SGCZ: variants seen among roughly 807,000 people sequenced by gnomAD.
SGCZ encodes the protein zeta-sarcoglycan.
In SGCZ, 40 loss-of-function variants were observed where a neutral mutation model predicts 41.3. The observed-to-expected ratio is 0.97, with a 90% CI of 0.75 to 1.26. The LOEUF (loss-of-function observed/expected upper bound fraction) is 1.26, where lower values mean the gene tolerates loss of function less well. Ranked by LOEUF, SGCZ falls within the 50% of genes most tolerant of loss-of-function variation. The pLI, the probability that SGCZ is intolerant of heterozygous loss-of-function variation, is 0.00. For missense variants in SGCZ, 552 were observed against 369.8 expected (o/e 1.49, Z -4.04); for synonymous variants, 206 against 137.5 (o/e 1.50, Z -3.49).
At chr8:14,574,755 G>T (rs1315446858) in intron 1 of SGCZ, among the ~76,000 whole-genome samples, 3 of 152,070 alleles carry the variant, frequency 2.0e-5, no homozygotes, top group Non-Finnish European at 4.4e-5. Flanking sequence ...TTTACTAATA[G>T]AAATTTCAGC....
intron 2 of SGCZ, among the ~76,000 whole-genome samples, chr8:14,478,550 T>C (rs1801428563): frequency 6.6e-6 from 1 of 152,014 alleles, no homozygotes; most frequent in African/African-American, 2.4e-5. Flanking sequence ...GATGAGTAGG[T>C]GGAGCCCAGA....
At chr8:14,576,120 T>C (rs1169738499) in intron 1 of SGCZ, among the ~76,000 whole-genome samples, 8 of 152,258 alleles carry the variant, frequency 5.3e-5, no homozygotes, top group Middle Eastern at 3.4e-3. Flanking sequence ...CGGACAGTAA[T>C]TGATCTCTGT....
intron 2 of SGCZ, among the ~76,000 whole-genome samples, chr8:14,496,392 T>G (rs766691356): frequency 2.3e-4 from 35 of 152,260 alleles, no homozygotes; most frequent in Non-Finnish European, 3.5e-4. Context: ...AGATGCTAAA[T>G]TCTGCTGGAA....
chr8:14,493,798 G>A (rs935547102), intron 2 of SGCZ, among the ~76,000 whole-genome samples: 2 of 152,096 alleles, frequency 1.3e-5, no homozygotes, highest in South Asian at 2.1e-4. Flanking sequence ...TCATAACAGT[G>A]TGTAACTTTC....
intron 1 of SGCZ, among the ~76,000 whole-genome samples, chr8:15,019,975 G>A (rs993680283): frequency 2.0e-5 from 3 of 151,510 alleles, no homozygotes; most frequent in Non-Finnish European, 4.4e-5. Context: ...TTATTAAAAT[G>A]CATATATGAT....
chr8:14,248,159 T>C (rs1457615259), intron 3 of SGCZ, among the ~76,000 whole-genome samples: 1 of 152,202 alleles, frequency 6.6e-6, no homozygotes. Context: ...GGTGAGCTGG[T>C]AGATTTTTCA....
chr8:14,666,123 G>A (rs1189363550), intron 1 of SGCZ, among the ~76,000 whole-genome samples: 1 of 152,076 alleles, frequency 6.6e-6, no homozygotes, highest in Non-Finnish European at 1.5e-5. Flanking sequence ...TAACCACGCT[G>A]TTTCTGATGT....
chr8:15,092,457 T>A lies in SGCZ; in HGVS notation c.39+145128A>T, dbSNP rs573585195. ...ATAGTAATTTGGAAGTGGGAAAAAT[T>A]TTAACAACAGCTAGCTAGCCTGAGT... On this transcript the variant is annotated intron_variant, in intron 1 of 7. Coordinates refer to ENST00000382080, the MANE Select transcript of SGCZ (RefSeq NM_139167.4). Among the ~76,000 whole-genome samples the A allele has an allele frequency of 4.1e-4, 62 of 152,334 alleles. No individual in the cohort carries two copies. The South Asian group carries it at 5.0e-3, about 12-fold the overall frequency.
intron 1 of SGCZ, among the ~76,000 whole-genome samples, chr8:14,685,297 A>C (rs1034410804): frequency 1.3e-5 from 2 of 152,144 alleles, no homozygotes; most frequent in Admixed American, 1.3e-4. Context: ...GGACATTTCC[A>C]ATTACAGAGT....
chr8:14,538,421 A>G (rs17119757), intron 2 of SGCZ, among the ~76,000 whole-genome samples: 2,962 of 152,056 alleles, frequency 0.019, 93 homozygotes, highest in African/African-American at 0.067. Flanking sequence ...AAATGAAGCA[A>G]GAGTAGAACA....
intron 5 of SGCZ, among the ~76,000 whole-genome samples, chr8:14,146,032 G>C (rs186594665): frequency 5.7e-4 from 86 of 152,184 alleles, no homozygotes; most frequent in African/African-American, 2.0e-3. Flanking sequence ...TATTCAAAAG[G>C]ACAATAACAG....
At chr8:15,219,798 T>A (rs2117181147) in intron 1 of SGCZ, among the ~76,000 whole-genome samples, 1 of 152,304 alleles carries the variant, frequency 6.6e-6, no homozygotes, top group East Asian at 1.9e-4. Context: ...GAAATAGCAG[T>A]GAGACCAGTT....
chr8:15,035,781 A>G (rs1318249950), intron 1 of SGCZ, among the ~76,000 whole-genome samples: 1 of 152,148 alleles, frequency 6.6e-6, no homozygotes, highest in Admixed American at 6.5e-5. Flanking sequence ...TATCAAGAGA[A>G]TATAACAATT....
At chr8:14,481,760 G>T (rs1474768768) in intron 2 of SGCZ, among the ~76,000 whole-genome samples, 2 of 152,064 alleles carry the variant, frequency 1.3e-5, no homozygotes, top group African/African-American at 2.4e-5. Context: ...CTTTTAAATT[G>T]AAGTAAAATG....
intron 1 of SGCZ, among the ~76,000 whole-genome samples, chr8:14,740,613 A>T (rs1799174244): frequency 1.3e-5 from 2 of 152,002 alleles, no homozygotes; most frequent in African/African-American, 4.8e-5. Flanking sequence ...CATAGGCACA[A>T]CTCAGTTTCC....
intron 1 of SGCZ, among the ~76,000 whole-genome samples, chr8:14,780,440 G>C (rs1800554105): frequency 6.7e-6 from 1 of 149,774 alleles, no homozygotes; most frequent in Admixed American, 6.7e-5. Flanking sequence ...CTGAAATATA[G>C]ACATATTGAA....
At chr8:14,921,273 T>G (rs1408614808) in intron 1 of SGCZ, among the ~76,000 whole-genome samples, 3 of 152,158 alleles carry the variant, frequency 2.0e-5, no homozygotes, top group Non-Finnish European at 4.4e-5. Context: ...TAAAATGATC[T>G]ATGAGGTTGT....
chr8:14,236,143 G>A (rs1244237424), intron 4 of SGCZ, among the ~76,000 whole-genome samples: 1 of 152,140 alleles, frequency 6.6e-6, no homozygotes, highest in Non-Finnish European at 1.5e-5. Flanking sequence ...TATAGTTTCT[G>A]CAGTTCCAAC....
At chr8:14,998,383 C>T (rs913205454) in intron 1 of SGCZ, among the ~76,000 whole-genome samples, 1 of 152,162 alleles carries the variant, frequency 6.6e-6, no homozygotes, top group Non-Finnish European at 1.5e-5. Flanking sequence ...TTCCAGTAAG[C>T]TGATGATATA....
Sources: gnomAD v4.1 joint callset for allele counts (sites outside exome capture counted in the v4.1 genomes callset) on GRCh38, gnomAD v4.1.1 for gene constraint, MANE v1.5 for transcripts, NCBI Gene and HGNC (gene_info 2026-07-23, HGNC 2026-07-21) for gene names.